Variants in REEP1 observed in about 807,000 individuals in gnomAD.
REEP1 encodes receptor accessory protein 1.
Under a neutral mutation model 40.3 loss-of-function variants are expected in REEP1, and 22 were observed. That is an observed-to-expected ratio of 0.55 (90% CI 0.39 to 0.78). The LOEUF (loss-of-function observed/expected upper bound fraction) is 0.78, where lower values mean the gene tolerates loss of function less well. Ranked by LOEUF, REEP1 falls within the 30% of genes least tolerant of loss-of-function variation. The pLI is 0.00. For synonymous variants in REEP1, 116 were observed against 139.2 expected (o/e 0.83, Z 1.17); for missense variants, 280 against 361.1 (o/e 0.78, Z 1.82).
chr2:86,264,653 C>T (rs1677047607), intron 2 of REEP1, among the ~76,000 whole-genome samples: 1 of 152,180 alleles, frequency 6.6e-6, no homozygotes. Context: ...TTAAAATATC[C>T]CAGCCTGCAG....
At chr2:86,320,721 A>G (rs1318356744) in intron 1 of REEP1, among the ~76,000 whole-genome samples, 1 of 152,268 alleles carries the variant, frequency 6.6e-6, no homozygotes, top group Non-Finnish European at 1.5e-5. Context: ...ATTGTAAATC[A>G]ACGGATATGT....
chr2:86,218,627 C>G (rs935807974), intron 8 of REEP1, among the ~76,000 whole-genome samples: 3 of 152,154 alleles, frequency 2.0e-5, no homozygotes, highest in African/African-American at 7.2e-5. Flanking sequence ...CAGCACAAAC[C>G]CTTGGGCCTT....
At chr2:86,235,938 C>G (rs181973276) in intron 5 of REEP1, among the ~76,000 whole-genome samples, 1 of 152,134 alleles carries the variant, frequency 6.6e-6, no homozygotes, top group Non-Finnish European at 1.5e-5. Context: ...TATGCCTGAC[C>G]GGGCGCGGTG....
intron 1 of REEP1, chr2:86,336,592 G>T (rs956869754): frequency 6.6e-6 from 1 of 152,330 alleles, no homozygotes; most frequent in Non-Finnish European, 1.5e-5. Context: ...CAGGGACTTG[G>T]AACAGCCACG....
chr2:86,249,781 C>A (rs1253386766), intron 5 of REEP1, among the ~76,000 whole-genome samples: 1 of 141,088 alleles, frequency 7.1e-6, no homozygotes, highest in Non-Finnish European at 1.6e-5. Flanking sequence ...TTGGATTTTA[C>A]TTCTTCTTTT....
intron 1 of REEP1, among the ~76,000 whole-genome samples, chr2:86,293,455 G>A (rs757818280): frequency 1.5e-4 from 23 of 152,168 alleles, no homozygotes; most frequent in Non-Finnish European, 3.2e-4. Flanking sequence ...TGACTACAAA[G>A]GGGCATGGAG....
intron 2 of REEP1, among the ~76,000 whole-genome samples, chr2:86,266,605 G>A (rs192598863): frequency 0.013 from 1,953 of 151,254 alleles, 44 homozygotes; most frequent in African/African-American, 0.043. Context: ...CGGCCTGGGC[G>A]ACAGAGCGAG....
intron 1 of REEP1, among the ~76,000 whole-genome samples, chr2:86,306,315 TG>T (rs61019006): frequency 0.079 from 12,015 of 152,192 alleles, 779 homozygotes; most frequent in African/African-American, 0.17. Context: ...GTCTCTCTTC[TG>T]TGAGACCTTC....
At chr2:86,238,484 C>T (rs943977160) in intron 5 of REEP1, among the ~76,000 whole-genome samples, 2 of 152,182 alleles carry the variant, frequency 1.3e-5, no homozygotes, top group Non-Finnish European at 2.9e-5. Context: ...TTGGCATCTG[C>T]CACTCTACTT....
chr2:86,232,558 A>G (rs2104050371), intron 6 of REEP1, 67 bp downstream of exon 6: 17 of 1,565,868 alleles, frequency 1.1e-5, no homozygotes, highest in Middle Eastern at 1.7e-4. Context: ...CACACTGCGG[A>G]CTGGGCCTCT....
At chr2:86,240,304 T>C (rs555213123) in intron 5 of REEP1, among the ~76,000 whole-genome samples, 39 of 152,270 alleles carry the variant, frequency 2.6e-4, no homozygotes, top group Non-Finnish European at 4.6e-4. Context: ...CACAGTCTAG[T>C]TGGGGCATCA....
At chr2:86,301,255 T>C (rs1184974386) in intron 1 of REEP1, among the ~76,000 whole-genome samples, 1 of 152,170 alleles carries the variant, frequency 6.6e-6, no homozygotes, top group Non-Finnish European at 1.5e-5. Context: ...GGCTTTTCCA[T>C]GGGCATACAG....
At chr2:86,266,100 G>A (rs10204589) in intron 2 of REEP1, among the ~76,000 whole-genome samples, 60,695 of 151,996 alleles carry the variant, frequency 0.4, 12,968 homozygotes, top group East Asian at 0.58. Context: ...AGATGACTTC[G>A]ATATTAGAAT....
chr2:86,232,529 C>T, intron 6 of REEP1, 96 bp downstream of exon 6: 1 of 1,450,912 alleles, frequency 6.9e-7, no homozygotes. Context: ...GTCCGTGGGG[C>T]CAGGGCCAGG....
At chr2:86,280,546 T>G (rs557389597) in intron 2 of REEP1, among the ~76,000 whole-genome samples, 6 of 152,160 alleles carry the variant, frequency 3.9e-5, no homozygotes, top group African/African-American at 4.8e-5. Context: ...CGGGAAAGGG[T>G]TGGGAGAGGG....
At chr2:86,333,231 T>C (rs1680857333) in intron 1 of REEP1, among the ~76,000 whole-genome samples, 1 of 152,182 alleles carries the variant, frequency 6.6e-6, no homozygotes, top group African/African-American at 2.4e-5. Flanking sequence ...TATTTTCTTT[T>C]TTTTCCATTT....
chr2:86,284,175 T>A (rs1330622860), intron 1 of REEP1, among the ~76,000 whole-genome samples: 1 of 152,074 alleles, frequency 6.6e-6, no homozygotes, highest in Non-Finnish European at 1.5e-5. Context: ...TGCCCCCTCC[T>A]AAGCATTCTC....
chr2:86,312,330 A>G (rs1258728416), intron 1 of REEP1, among the ~76,000 whole-genome samples: 1 of 152,050 alleles, frequency 6.6e-6, no homozygotes, highest in Non-Finnish European at 1.5e-5. Flanking sequence ...CTCCCCTTCC[A>G]TGCACCCTCC....
intron 1 of REEP1, among the ~76,000 whole-genome samples, chr2:86,330,150 T>C (rs1029655845): frequency 3.3e-5 from 5 of 152,184 alleles, no homozygotes; most frequent in Admixed American, 6.5e-5. Context: ...AAGATATTTC[T>C]AGTGTAGAGA....
Sources: allele counts gnomAD v4.1 joint callset (sites outside exome capture counted in the v4.1 genomes callset), GRCh38; gene constraint gnomAD v4.1.1; transcripts MANE v1.5; gene names NCBI Gene and HGNC (gene_info 2026-07-23, HGNC 2026-07-21).